Variants in EPHA3 observed in about 807,000 individuals in gnomAD.
EPHA3 encodes the protein EPH receptor A3.
In EPHA3, 42 loss-of-function variants were observed where a neutral mutation model predicts 107.1. The observed-to-expected ratio is 0.39, with a 90% CI of 0.31 to 0.51. The LOEUF is 0.51. Ranked by LOEUF, EPHA3 falls within the 20% of genes least tolerant of loss-of-function variation. The pLI, the probability that EPHA3 is intolerant of heterozygous loss-of-function variation, is 0.78. For synonymous variants in EPHA3, 461 were observed against 424.8 expected (o/e 1.09, Z -1.05); for missense variants, 1,183 against 1,211.2 (o/e 0.98, Z 0.35).
chr3:89,230,553 A>T (rs1704604066), intron 3 of EPHA3, among the ~76,000 whole-genome samples: 1 of 152,080 alleles, frequency 6.6e-6, no homozygotes, highest in African/African-American at 2.4e-5. Flanking sequence ...CATGGTTTTG[A>T]TCATCTATCC....
intron 15 of EPHA3, among the ~76,000 whole-genome samples, chr3:89,454,191 A>G (rs986896223): frequency 2.6e-5 from 4 of 152,096 alleles, no homozygotes; most frequent in Non-Finnish European, 4.4e-5. Flanking sequence ...TTGCTTGTCA[A>G]TATTACCCCT....
intron 3 of EPHA3, among the ~76,000 whole-genome samples, chr3:89,264,039 C>T (rs1377139680): frequency 6.6e-6 from 1 of 152,032 alleles, no homozygotes; most frequent in Non-Finnish European, 1.5e-5. Context: ...CCCAACATTC[C>T]CAAAAGTCTT....
At chr3:89,245,211 T>G (rs1300026730) in intron 3 of EPHA3, among the ~76,000 whole-genome samples, 1 of 152,216 alleles carries the variant, frequency 6.6e-6, no homozygotes, top group Non-Finnish European at 1.5e-5. Flanking sequence ...ATGTACTCTT[T>G]ATGTCCTTAT....
At chr3:89,368,505 T>G (rs1434743729) in intron 5 of EPHA3, among the ~76,000 whole-genome samples, 3 of 150,522 alleles carry the variant, frequency 2.0e-5, no homozygotes, top group African/African-American at 7.3e-5. Flanking sequence ...GCCAAAGGCT[T>G]ATGAACCAGG....
intron 2 of EPHA3, among the ~76,000 whole-genome samples, chr3:89,143,399 T>G (rs1283478550): frequency 6.6e-6 from 1 of 151,448 alleles, no homozygotes. Context: ...TAAGCACTTT[T>G]TCCCTAGATA....
intron 3 of EPHA3, among the ~76,000 whole-genome samples, chr3:89,278,575 G>T (rs1490445627): frequency 6.6e-6 from 1 of 152,120 alleles, no homozygotes; most frequent in African/African-American, 2.4e-5. Context: ...TGGTGATCTT[G>T]TGGACTTCAT....
intron 3 of EPHA3, among the ~76,000 whole-genome samples, chr3:89,219,134 A>G (rs1324394120): frequency 6.6e-6 from 1 of 151,732 alleles, no homozygotes; most frequent in Non-Finnish European, 1.5e-5. Flanking sequence ...GGAGTTTAAT[A>G]TTTCATCATT....
chr3:89,172,365 G>A (rs1705230405), intron 2 of EPHA3, among the ~76,000 whole-genome samples: 1 of 152,152 alleles, frequency 6.6e-6, no homozygotes, highest in Admixed American at 6.5e-5. Context: ...GTTTGGGATG[G>A]GGGAAAGACC....
chr3:89,329,497 C>T (rs1020619828), intron 3 of EPHA3, among the ~76,000 whole-genome samples: 9 of 152,002 alleles, frequency 5.9e-5, no homozygotes, highest in African/African-American at 1.2e-4. Context: ...ATTTCCAATA[C>T]GCTATTTTCT....
At chr3:89,391,231 G>A (rs1217497251) in intron 5 of EPHA3, among the ~76,000 whole-genome samples, 1 of 152,132 alleles carries the variant, frequency 6.6e-6, no homozygotes, top group Non-Finnish European at 1.5e-5. Context: ...CTGACACACA[G>A]TTAAGAGTTT....
At chr3:89,187,728 G>C (rs1462871239) in intron 2 of EPHA3, among the ~76,000 whole-genome samples, 2 of 152,078 alleles carry the variant, frequency 1.3e-5, no homozygotes, top group Non-Finnish European at 2.9e-5. Flanking sequence ...ATACAAGCAT[G>C]TGTATGAAAA....
intron 2 of EPHA3, among the ~76,000 whole-genome samples, chr3:89,208,098 G>A (rs532761158): frequency 3.3e-5 from 5 of 152,202 alleles, no homozygotes; most frequent in Middle Eastern, 3.4e-3. Context: ...TTCCAGATGG[G>A]CACAGTGGCT....
intron 3 of EPHA3, among the ~76,000 whole-genome samples, chr3:89,297,217 T>C (rs1706374330): frequency 6.6e-6 from 1 of 152,222 alleles, no homozygotes; most frequent in Non-Finnish European, 1.5e-5. Flanking sequence ...CTTGGCTGTT[T>C]GTCATTAAGA....
At chr3:89,281,044 G>T (rs1559630800) in intron 3 of EPHA3, among the ~76,000 whole-genome samples, 1 of 89,300 alleles carries the variant, frequency 1.1e-5, no homozygotes, top group Non-Finnish European at 2.4e-5. Flanking sequence ...TATTTATTAT[G>T]ACAGAGTCTC....
chr3:89,128,181 T>C (rs1274779339), intron 2 of EPHA3, among the ~76,000 whole-genome samples: 1 of 152,158 alleles, frequency 6.6e-6, no homozygotes, highest in Non-Finnish European at 1.5e-5. Context: ...GTCTTTAGAT[T>C]TTTGTGCCTA....
intron 3 of EPHA3, among the ~76,000 whole-genome samples, chr3:89,233,299 A>G (rs576897051): frequency 6.6e-6 from 1 of 152,278 alleles, no homozygotes; most frequent in African/African-American, 2.4e-5. Context: ...GAATAGATGC[A>G]ATAATAATGC....
intron 3 of EPHA3, among the ~76,000 whole-genome samples, chr3:89,223,582 G>A (rs1210832949): frequency 6.6e-6 from 1 of 152,150 alleles, no homozygotes; most frequent in East Asian, 1.9e-4. Context: ...ATAAACCTGA[G>A]ATTTACCCAG....
At chr3:89,479,376 T>C (rs536600141) in intron 16 of EPHA3, 21 bp from the exon 17 acceptor site, 9 of 1,598,098 alleles carry the variant, frequency 5.6e-6, no homozygotes, top group Non-Finnish European at 4.3e-6. Context: ...CCGATTCTTA[T>C]ATTGTTTTCT....
At chr3:89,321,790 C>T (rs1191066320) in intron 3 of EPHA3, among the ~76,000 whole-genome samples, 1 of 151,876 alleles carries the variant, frequency 6.6e-6, no homozygotes, top group East Asian at 1.9e-4. Context: ...TGAAGAATAA[C>T]AAGAAAAAGA....
Sources: gnomAD v4.1 joint callset for allele counts (sites outside exome capture counted in the v4.1 genomes callset) on GRCh38, gnomAD v4.1.1 for gene constraint, MANE v1.5 for transcripts, NCBI Gene and HGNC (gene_info 2026-07-23, HGNC 2026-07-21) for gene names.